The following MICAL2 variants were observed in gnomAD, a reference collection of about 807,000 sequenced individuals.
MICAL2 encodes microtubule associated monooxygenase, calponin and LIM domain containing 2.
A neutral mutation model predicts 127.3 loss-of-function variants in MICAL2; 77 were observed. The observed-to-expected ratio is 0.60, with a 90% CI of 0.50 to 0.73. MICAL2 has a LOEUF of 0.73. Ranked by LOEUF, MICAL2 falls within the 30% of genes least tolerant of loss-of-function variation. The pLI is 0.00. For synonymous variants in MICAL2, 570 were observed against 551.1 expected, an observed-to-expected ratio of 1.03 and a Z score of -0.48; for missense variants, 1,351 against 1,434.4, an observed-to-expected ratio of 0.94 and a Z score of 0.94.
chr11:12,121,237 C>T (rs1428312278), intron 1 of MICAL2, among the ~76,000 whole-genome samples: 2 of 152,166 alleles, frequency 1.3e-5, no homozygotes, highest in Non-Finnish European at 1.5e-5. Context: ...GCTCTTCACA[C>T]GGATCTTCTC....
chr11:12,261,624 G>A (rs1863121868), intron 26 of MICAL2: 17 of 985,490 alleles, frequency 1.7e-5, no homozygotes, highest in Non-Finnish European at 1.9e-5. Context: ...TAAGAGGTGT[G>A]CCTGGGTGTG....
intron 33 of MICAL2, chr11:12,350,053 G>T: frequency 2.9e-6 from 2 of 691,252 alleles, no homozygotes; most frequent in Non-Finnish European, 5.0e-6. Flanking sequence ...ACAGAATAGT[G>T]ATTGAGGCAA....
downstream of MICAL2, among the ~76,000 whole-genome samples, chr11:12,295,454 TTTTC>T (rs1863974994): frequency 9.8e-6 from 1 of 101,586 alleles, no homozygotes; most frequent in African/African-American, 2.8e-5. Context: ...TTTTTTTTTT[TTTTC>T]TTTTTTTTTA....
intron 26 of MICAL2, chr11:12,261,861 T>C: frequency 1.0e-6 from 1 of 985,940 alleles, no homozygotes; most frequent in Middle Eastern, 5.2e-4. Flanking sequence ...ATGTTCAGCA[T>C]GGTGGGAGGA....
downstream of MICAL2, among the ~76,000 whole-genome samples, chr11:12,295,206 C>T (rs2134792599): frequency 6.6e-6 from 1 of 151,628 alleles, no homozygotes; most frequent in South Asian, 2.1e-4. Flanking sequence ...GTGGCATGAT[C>T]CCAGCTCACT....
At chr11:12,333,303 T>A (rs1938684801) in intron 32 of MICAL2, among the ~76,000 whole-genome samples, 3 of 151,600 alleles carry the variant, frequency 2.0e-5, no homozygotes, top group Non-Finnish European at 4.4e-5. Context: ...GTCTTTTCAA[T>A]AGAAGAAGGA....
At chr11:12,317,712 A>T (rs190551204) in intron 29 of MICAL2, among the ~76,000 whole-genome samples, 3 of 152,144 alleles carry the variant, frequency 2.0e-5, no homozygotes, top group African/African-American at 7.2e-5. Context: ...GAATCACTTG[A>T]ACCCGGGAGG....
At chr11:12,182,089 T>C (rs1857547551) in intron 3 of MICAL2, among the ~76,000 whole-genome samples, 1 of 152,238 alleles carries the variant, frequency 6.6e-6, no homozygotes, top group African/African-American at 2.4e-5. Context: ...TGAATAATTA[T>C]TGAAATTATT....
At chr11:12,149,979 C>T (rs1208488774) in intron 2 of MICAL2, among the ~76,000 whole-genome samples, 3 of 152,076 alleles carry the variant, frequency 2.0e-5, no homozygotes, top group Admixed American at 6.5e-5. Flanking sequence ...CCATAAGTGG[C>T]GGTTGCATTT....
At chr11:12,222,221 G>A (rs952179336) in intron 10 of MICAL2, among the ~76,000 whole-genome samples, 10 of 152,132 alleles carry the variant, frequency 6.6e-5, no homozygotes, top group Non-Finnish European at 8.8e-5. Context: ...GCTGGTGGAC[G>A]GGGGGAGGTC....
chr11:12,343,842 A>G (rs1460099886), intron 32 of MICAL2, among the ~76,000 whole-genome samples: 1 of 152,220 alleles, frequency 6.6e-6, no homozygotes, highest in Non-Finnish European at 1.5e-5. Flanking sequence ...ACGATCCTTA[A>G]TCTAGAAACA....
chr11:12,175,766 G>A (rs1162544508), intron 3 of MICAL2, among the ~76,000 whole-genome samples: 1 of 152,114 alleles, frequency 6.6e-6, no homozygotes, highest in Non-Finnish European at 1.5e-5. Context: ...TTCTTAGAGG[G>A]GAGTGAATGC....
intron 11 of MICAL2, 85 bp from the exon 12 acceptor site, chr11:12,223,326 G>A: frequency 8.3e-7 from 1 of 1,207,418 alleles, no homozygotes; most frequent in Non-Finnish European, 1.2e-6. Flanking sequence ...GGCAGGCACT[G>A]AATTGGGGGT....
chr11:12,123,335 G>A (rs1389792669), intron 1 of MICAL2, among the ~76,000 whole-genome samples: 2 of 152,096 alleles, frequency 1.3e-5, no homozygotes, highest in African/African-American at 4.8e-5. Flanking sequence ...CAATGTCCAT[G>A]GTTTTCTGAC....
chr11:12,237,797 G>T (rs1351288491), intron 16 of MICAL2, among the ~76,000 whole-genome samples: 1 of 152,164 alleles, frequency 6.6e-6, no homozygotes, highest in Non-Finnish European at 1.5e-5. Context: ...AGGCTTTCAG[G>T]GCCCACCCCA....
chr11:12,163,397 C>A (rs1346881700), intron 3 of MICAL2, among the ~76,000 whole-genome samples: 16 of 152,182 alleles, frequency 1.1e-4, no homozygotes, highest in Non-Finnish European at 1.5e-4. Context: ...CCAGCCGGTG[C>A]CAATCCCGGG....
Position 12,334,695 on chromosome 11 carries a change from A to G in MICAL2, c.5515+7429A>G, listed in dbSNP as rs550224752. On this transcript the variant is annotated intron_variant, in intron 32 of 34. Coordinates refer to the MICAL2 transcript ENST00000646065. ...GTTCAATTCCCACCTGTGAGTGAGA[A>G]CATGTGGTGTTTGGTTTTTTTGTCC... Among the ~76,000 whole-genome samples, 303 of 146,280 alleles carry G rather than the reference A, an allele frequency of 2.1e-3. 2 individuals are homozygous for G. Among genetic ancestry groups the G allele is most frequent in the African/African-American group, 7.2e-3 (282 of 39,422 alleles).
At chr11:12,204,116 A>T in intron 3 of MICAL2, 134 bp from the exon 4 acceptor site, 1 of 786,332 alleles carries the variant, frequency 1.3e-6, no homozygotes, top group Non-Finnish European at 2.1e-6. Flanking sequence ...ACAGGCCCTA[A>T]CAGGTACACA....
chr11:12,224,624 C>A, intron 12 of MICAL2, 49 bp from the exon 13 acceptor site: 2 of 1,591,840 alleles, frequency 1.3e-6, no homozygotes, highest in Non-Finnish European at 1.7e-6. Context: ...CAGGGCAGAC[C>A]GTGTGAGATT....
Sources: allele counts gnomAD v4.1 joint callset (sites outside exome capture counted in the v4.1 genomes callset), GRCh38; gene constraint gnomAD v4.1.1; transcripts MANE v1.5; gene names NCBI Gene and HGNC (gene_info 2026-07-23, HGNC 2026-07-21).